The following NT5C2 variants were observed in gnomAD, a reference collection of about 807,000 sequenced individuals.
The protein encoded by NT5C2 is cytosolic purine 5'-nucleotidase.
A neutral mutation model predicts 76.1 loss-of-function variants in NT5C2; 58 were observed. The ratio of observed to expected loss-of-function variants is 0.76; its 90% confidence interval spans 0.62 to 0.95. NT5C2 has a LOEUF of 0.95. Ranked by LOEUF, NT5C2 falls within the 40% of genes least tolerant of loss-of-function variation. The pLI, the probability that NT5C2 is intolerant of heterozygous loss-of-function variation, is 0.00. For synonymous variants in NT5C2, 229 were observed against 237.4 expected (o/e 0.96, Z 0.32); for missense variants, 478 against 690.3 (o/e 0.69, Z 3.45).
At chr10:103,186,455 T>C (rs944152475) in intron 1 of NT5C2, among the ~76,000 whole-genome samples, 1 of 152,230 alleles carries the variant, frequency 6.6e-6, no homozygotes, top group South Asian at 2.1e-4. Flanking sequence ...TGTAACAATT[T>C]CACACATTTA....
intron 3 of NT5C2, among the ~76,000 whole-genome samples, chr10:103,170,331 AT>A (rs2087588365): frequency 6.6e-6 from 1 of 151,866 alleles, no homozygotes; most frequent in Non-Finnish European, 1.5e-5. Flanking sequence ...TAGATAAAAA[AT>A]TTTTTTCAAT....
intron 3 of NT5C2, among the ~76,000 whole-genome samples, chr10:103,154,677 G>T (rs1276531504): frequency 6.6e-6 from 1 of 152,098 alleles, no homozygotes; most frequent in East Asian, 1.9e-4. Flanking sequence ...TATTACTGAG[G>T]GTAGGGGAAC....
At chr10:103,094,826 G>A (rs1428624025) in intron 12 of NT5C2, among the ~76,000 whole-genome samples, 1 of 148,320 alleles carries the variant, frequency 6.7e-6, no homozygotes, top group Non-Finnish European at 1.5e-5. Context: ...AGGTTGCAGT[G>A]AGCCGAGATC....
chr10:103,130,119 A>C (rs1490995644), intron 4 of NT5C2, among the ~76,000 whole-genome samples: 1 of 151,686 alleles, frequency 6.6e-6, no homozygotes, highest in African/African-American at 2.4e-5. Flanking sequence ...GAAAGGCAGG[A>C]AAGGTGGGGA....
chr10:103,181,144 T>C (rs1182052501), intron 2 of NT5C2, 41 bp downstream of exon 2: 1 of 151,974 alleles, frequency 6.6e-6, no homozygotes. Flanking sequence ...CATATATATA[T>C]GTTAAAATTT....
At chr10:103,094,080 TCA>T in intron 13 of NT5C2, 42 bp from the exon 14 acceptor site, 1 of 1,521,294 alleles carries the variant, frequency 6.6e-7, no homozygotes, top group Non-Finnish European at 9.1e-7. Flanking sequence ...TATCATCCTA[TCA>T]CAATCCTCCC....
intron 1 of NT5C2, among the ~76,000 whole-genome samples, chr10:103,192,426 G>A (rs2092705953): frequency 6.6e-6 from 1 of 152,154 alleles, no homozygotes; most frequent in African/African-American, 2.4e-5. Context: ...TAGAAGCTGT[G>A]GCCTGCCGGA....
intron 4 of NT5C2, among the ~76,000 whole-genome samples, chr10:103,123,196 C>T (rs1591095127): frequency 6.6e-6 from 1 of 152,148 alleles, no homozygotes; most frequent in East Asian, 1.9e-4. Flanking sequence ...AATCACAACT[C>T]ACCAAAACCT....
At chr10:103,101,683 G>A (rs904831188) in intron 6 of NT5C2, among the ~76,000 whole-genome samples, 9 of 151,844 alleles carry the variant, frequency 5.9e-5, no homozygotes, top group Admixed American at 2.0e-4. Context: ...TGTGGTGGGC[G>A]AGGTGGGTCA....
intron 4 of NT5C2, among the ~76,000 whole-genome samples, chr10:103,112,283 T>C (rs1364021832): frequency 6.6e-6 from 1 of 152,174 alleles, no homozygotes; most frequent in Non-Finnish European, 1.5e-5. Flanking sequence ...CCATTTTAGC[T>C]GAGTCTACCT....
At chr10:103,183,260 G>GATATATATATATA (rs1177155271) in intron 1 of NT5C2, among the ~76,000 whole-genome samples, 2 of 38,808 alleles carry the variant, frequency 5.2e-5, no homozygotes, top group Admixed American at 4.0e-4. Flanking sequence ...ATGTGTGTGT[G>GATATATATATATA]TGATATATAT....
In NT5C2 at chr10:103,090,721, G is replaced by A; in HGVS notation, c.1339C>T (p.Gln447Ter). 1 of 1,614,200 alleles carries A rather than the reference G, an allele frequency of 6.2e-7. No homozygotes were observed. Among genetic ancestry groups the A allele is most frequent in the East Asian group, 2.2e-5 (1 of 44,886 alleles). The change falls in exon 18 of 19, where the codon CAG becomes TAG. Residue 447 changes from glutamine (Q) to a stop codon, truncating the protein, a stop_gained. Coordinates refer to ENST00000404739, the MANE Select transcript of NT5C2 (RefSeq NM_001351169.2). LOFTEE classifies it high-confidence loss of function. ...ATCACTTGACTGGCAAAAAGGGTCT[G>A]CCGGGAGCCACTGCGAAACAGGCTT... Reference protein sequence around the residue: ...MGSLFRSGSRQTLFASQVMRY... With the variant: ...MGSLFRSGSR
intron 3 of NT5C2, 107 bp from the exon 4 acceptor site, chr10:103,139,586 T>G: frequency 1.2e-6 from 1 of 809,718 alleles, no homozygotes; most frequent in South Asian, 1.8e-5. Context: ...TTTTTCCAAT[T>G]GATTTTTTAA....
rs753745374 is a variant in NT5C2, at chr10:103,097,326, A to G, written c.736T>C (p.Phe246Leu). ...TTATAGTCACTGTTGGTAGCAAGAA[A>G]TACTTTCCCTACTTCCTTCATCCGG... ...LSRMKEVGKV[F>L]LATNSDYKYT... Residue 246 changes from phenylalanine (F) to leucine (L), a missense_variant, in exon 11 of 19, where the codon TTT becomes CTT. Physicochemically the swap from Phe to Leu is conservative, Grantham distance 22. Transcript: ENST00000404739. 1 of 1,613,838 alleles carries G rather than the reference A, an allele frequency of 6.2e-7. No homozygotes were observed. Among genetic ancestry groups the G allele is most frequent in the Admixed American group, 1.7e-5 (1 of 60,002 alleles).
chr10:103,091,104 G>A (rs1180437407), intron 16 of NT5C2, 108 bp from the exon 17 acceptor site: 11 of 925,144 alleles, frequency 1.2e-5, no homozygotes, highest in African/African-American at 5.0e-5. Context: ...GTGTGATCGC[G>A]GCTCACTGCA....
At chr10:103,139,531 A>C in intron 3 of NT5C2, 52 bp from the exon 4 acceptor site, 1 of 1,208,198 alleles carries the variant, frequency 8.3e-7, no homozygotes, top group Non-Finnish European at 1.2e-6. Context: ...TAAATTCTCA[A>C]GTTTAATAAA....
At position 103,162,707 on chromosome 10, in the gene NT5C2, T is replaced by C. The variant is rs556636346; in HGVS notation, c.101+12151A>G. Among the ~76,000 whole-genome samples the C allele has an allele frequency of 1.1e-4, 17 of 152,270 alleles. No homozygotes were observed. In the South Asian group the frequency reaches 2.3e-3, roughly 20 times the overall value. The stretch of plus-strand genomic sequence containing the variant: ...AATTCCATTCCTGGGTAGAAACCAA[T>C]AGAATTGAATGTATATATCCACAAA... On this transcript the variant is annotated intron_variant, in intron 3 of 18. Coordinates refer to ENST00000404739, the MANE Select transcript of NT5C2 (RefSeq NM_001351169.2).
chr10:103,095,851 T>G, intron 12 of NT5C2, 88 bp downstream of exon 12: 1 of 1,239,080 alleles, frequency 8.1e-7, no homozygotes, highest in Admixed American at 1.8e-5. Flanking sequence ...GGGTGGGTTC[T>G]GACCAATTCT....
intron 3 of NT5C2, among the ~76,000 whole-genome samples, chr10:103,166,274 A>ACACCCACCAACTCCCTC (rs2086358954): frequency 6.6e-6 from 1 of 152,212 alleles, no homozygotes. Flanking sequence ...TTTTACAGGT[A>ACACCCACCAACTCCCTC]CACCCACCAT....
Sources: allele counts gnomAD v4.1 joint callset (sites outside exome capture counted in the v4.1 genomes callset), GRCh38; gene constraint gnomAD v4.1.1; transcripts MANE v1.5; gene names NCBI Gene and HGNC (gene_info 2026-07-23, HGNC 2026-07-21).